PCDHGA2: variants seen among roughly 807,000 people sequenced by gnomAD.
PCDHGA2 encodes the protein protocadherin gamma-A2.
A neutral mutation model predicts 59.2 loss-of-function variants in PCDHGA2; 40 were observed. The ratio of observed to expected loss-of-function variants is 0.68; its 90% CI spans 0.52 to 0.88. The LOEUF (loss-of-function observed/expected upper bound fraction) is 0.88. Ranked by LOEUF, PCDHGA2 falls within the 40% of genes least tolerant of loss-of-function variation. The pLI is 0.00. For missense variants in PCDHGA2, 1,226 were observed against 1,204.0 expected (o/e 1.02, Z -0.27); for synonymous variants, 560 against 526.0 (o/e 1.06, Z -0.89).
rs371807105 is a variant in PCDHGA2 at position 141,476,586 on chromosome 5, A to G, written c.2425-18221A>G. ...GCTCCGGGGACGCGCTTTCCGCTCG[A>G]GAGCGCGCACGATCCCGATGTGGGA... is the stretch of plus-strand genomic sequence containing the variant. On this transcript the variant is annotated intron_variant, in intron 1 of 3. Coordinates refer to ENST00000394576, the MANE Select transcript of PCDHGA2 (RefSeq NM_018915.4). This position sits in a 1 kb window ranked among gnomAD's most constrained non-coding sequence, Gnocchi z 7.6. The G allele has an allele frequency of 6.2e-7, 1 of 1,614,222 alleles. No homozygotes were observed. The highest frequency in any genetic ancestry group is 8.5e-7 in the Non-Finnish European group (1 of 1,180,032).
Position 141,370,599 on chromosome 5 carries a change from A to G in PCDHGA2, c.2424+29204A>G, listed in dbSNP as rs987021743. On this transcript the variant is annotated intron_variant, in intron 1 of 3. Transcript: ENST00000394576. ...TTTACCTACTAGGAACCTGCGGGTT[A>G]TTGCAGAGAAGAAATTCTTTACCGT... is the stretch of plus-strand genomic sequence containing the variant. 11 of 1,613,848 alleles carry G rather than the reference A, an allele frequency of 6.8e-6. No homozygotes were observed. The African/African-American group carries it at 1.2e-4, about 18-fold the overall frequency.
At chr5:141,403,074 A>G (rs777613681) in intron 1 of PCDHGA2, 9 of 1,614,088 alleles carry the variant, frequency 5.6e-6, no homozygotes, top group Non-Finnish European at 6.8e-6. Flanking sequence ...GAGACAGAAA[A>G]GGGCTATATT....
At chr5:141,399,642 G>C (rs755191053) in intron 1 of PCDHGA2, 3 of 1,613,750 alleles carry the variant, frequency 1.9e-6, no homozygotes, top group Non-Finnish European at 2.5e-6. Flanking sequence ...CCATGAGCGC[G>C]CAAAGTGGGG....
chr5:141,464,519 A>G (rs974292961), intron 1 of PCDHGA2, among the ~76,000 whole-genome samples: 21 of 152,058 alleles, frequency 1.4e-4, no homozygotes, highest in African/African-American at 4.1e-4. Context: ...AGGTAAAGGC[A>G]TATGTAGTTT....
At chr5:141,466,348 G>A (rs2099120992) in intron 1 of PCDHGA2, among the ~76,000 whole-genome samples, 2 of 151,876 alleles carry the variant, frequency 1.3e-5, no homozygotes, top group Admixed American at 6.6e-5. Context: ...TTTTTTTGCA[G>A]CTAATCTAGA....
rs1158003183 is a variant in PCDHGA2, at chr5:141,397,388, G to A, written c.2424+55993G>A. Among the ~76,000 whole-genome samples the A allele has an allele frequency of 3.9e-5, 6 of 152,232 alleles. No individual in the cohort carries two copies. In the East Asian group the frequency reaches 1.2e-3, roughly 29 times the overall value. Reference sequence around the variant, plus strand: ...GATGTTTGGGGATTGGTATAAAATTGCCACAACTTTACAAAATAGTTTTAA... The same window carrying A: ...GATGTTTGGGGATTGGTATAAAATTACCACAACTTTACAAAATAGTTTTAA... On this transcript the variant is annotated intron_variant, in intron 1 of 3. Transcript: ENST00000394576.
chr5:141,423,758 G>GGT (rs138224377), intron 1 of PCDHGA2: 10 of 366,772 alleles, frequency 2.7e-5, no homozygotes, highest in Non-Finnish European at 1.5e-5. Flanking sequence ...TTTGGGGGGG[G>GGT]GGTGGGGCGG....
rs1263728099 is a variant in PCDHGA2, at chr5:141,476,079, G to T, written c.2425-18728G>T. Reference sequence around the variant, plus strand: ...AGTTTCTCAGCGAAATCTCAGGGACGATCTGGACCCCGCTGAGAGGAACTG... The same window carrying T: ...AGTTTCTCAGCGAAATCTCAGGGACTATCTGGACCCCGCTGAGAGGAACTG... On this transcript the variant is annotated intron_variant, in intron 1 of 3. Coordinates refer to ENST00000394576, the MANE Select transcript of PCDHGA2 (RefSeq NM_018915.4). This position sits in a 1 kb window ranked among gnomAD's most constrained non-coding sequence, Gnocchi z 7.6. 3 of 1,537,560 alleles carry T rather than the reference G, an allele frequency of 2.0e-6. No homozygotes were observed. Among genetic ancestry groups the T allele is most frequent in the African/African-American group, 1.4e-5 (1 of 72,808 alleles).
chr5:141,484,897 A>G (rs2099602925), intron 1 of PCDHGA2: 2 of 392,698 alleles, frequency 5.1e-6, no homozygotes, highest in Middle Eastern at 7.1e-4. Flanking sequence ...TTTCCCCTCC[A>G]ATGCTGCGAC....
chr5:141,390,867 C>CGTGT (rs61319619), intron 1 of PCDHGA2: 7,865 of 151,126 alleles, frequency 0.052, 273 homozygotes, highest in African/African-American at 0.097. Context: ...GCTGTGTGTG[C>CGTGT]GTGTGTGTGT....
At chr5:141,403,121 C>G in intron 1 of PCDHGA2, 1 of 1,614,046 alleles carries the variant, frequency 6.2e-7, no homozygotes, top group South Asian at 1.1e-5. Flanking sequence ...TCTGGAGCCC[C>G]GGGAGCTGGC....
rs531352412 is a variant in PCDHGA2, at chr5:141,382,380, A to G, written c.2424+40985A>G. ...AATAAAATTTACCTTTTTGCCTTCAATAACTGATTTTCCCATGTGCAATAA... is the reference window on the plus strand; with the variant it reads ...AATAAAATTTACCTTTTTGCCTTCAGTAACTGATTTTCCCATGTGCAATAA... On this transcript the variant is annotated intron_variant, in intron 1 of 3. Coordinates refer to ENST00000394576, the MANE Select transcript of PCDHGA2 (RefSeq NM_018915.4). 3.3e-5 allele frequency among the ~76,000 whole-genome samples: 5 copies of G among 152,324 alleles called. No individual in the cohort carries two copies. The South Asian group carries it at 8.3e-4, about 25-fold the overall frequency.
At chr5:141,427,156 T>G (rs533425641) in intron 1 of PCDHGA2, 10 of 456,890 alleles carry the variant, frequency 2.2e-5, no homozygotes, top group African/African-American at 2.0e-4. Flanking sequence ...AATATGTTTG[T>G]GCTAGACCAT....
intron 1 of PCDHGA2, chr5:141,395,133 A>G (rs760451747): frequency 1.2e-6 from 2 of 1,614,192 alleles, no homozygotes; most frequent in Non-Finnish European, 8.5e-7. Context: ...TCCCCAGCCC[A>G]ACTACGCAGA....
chr5:141,351,078 A>G (rs1758637541), intron 1 of PCDHGA2: 1 of 1,614,060 alleles, frequency 6.2e-7, no homozygotes, highest in African/African-American at 1.3e-5. Flanking sequence ...ATTAATGCAG[A>G]GATCACCTAT....
At chr5:141,471,111 C>T (rs529680278) in intron 1 of PCDHGA2, among the ~76,000 whole-genome samples, 1 of 146,150 alleles carries the variant, frequency 6.8e-6, no homozygotes, top group African/African-American at 2.6e-5. Flanking sequence ...TGCAGTGGTG[C>T]GATCTTACCT....
At chr5:141,376,366 A>G in intron 1 of PCDHGA2, 12 of 1,614,204 alleles carry the variant, frequency 7.4e-6, no homozygotes, top group South Asian at 1.1e-5. Flanking sequence ...CACTCACTGC[A>G]GACTCGCGTA....
chr5:141,355,141 G>GAAAA, intron 1 of PCDHGA2: 1 of 1,526,010 alleles, frequency 6.6e-7, no homozygotes, highest in East Asian at 2.3e-5. Flanking sequence ...AGATCCTGGG[G>GAAAA]CTCCTCAGGC....
chr5:141,410,140 G>GCGTGA, intron 1 of PCDHGA2: 1 of 1,612,782 alleles, frequency 6.2e-7, no homozygotes, highest in Non-Finnish European at 8.5e-7. Flanking sequence ...TGGTCGCTGT[G>GCGTGA]CGTGACGGTG....
Sources: allele counts gnomAD v4.1 joint callset (sites outside exome capture counted in the v4.1 genomes callset), GRCh38; gene constraint gnomAD v4.1.1; non-coding constraint Gnocchi (gnomAD v3.1); transcripts MANE v1.5; gene names NCBI Gene and HGNC (gene_info 2026-07-23, HGNC 2026-07-21).